IMPA2: variants seen among roughly 807,000 people sequenced by gnomAD.
IMPA2 encodes inositol monophosphatase 2.
Under a neutral mutation model 35.1 loss-of-function variants are expected in IMPA2, and 32 were observed. The observed-to-expected ratio is 0.91, with a 90% CI of 0.69 to 1.23. The LOEUF (loss-of-function observed/expected upper bound fraction) is 1.23, where lower values mean the gene tolerates loss of function less well. Ranked by LOEUF, IMPA2 falls within the 50% of genes most tolerant of loss-of-function variation. IMPA2 has a pLI of 0.00. For synonymous variants in IMPA2, 135 were observed against 160.6 expected (o/e 0.84, Z 1.20); for missense variants, 334 against 387.6 (o/e 0.86, Z 1.16).
intron 1 of IMPA2, among the ~76,000 whole-genome samples, chr18:11,995,213 T>C (rs1429323070): frequency 6.6e-6 from 1 of 152,200 alleles, no homozygotes; most frequent in Non-Finnish European, 1.5e-5. Context: ...GGGATCCAGC[T>C]TTGTCCTCCC....
chr18:11,992,788 C>T, intron 1 of IMPA2, among the ~76,000 whole-genome samples: 1 of 152,126 alleles, frequency 6.6e-6, no homozygotes. Context: ...TAAAGGGGTT[C>T]AGCGGGACCT....
chr18:12,025,042 T>G (rs182794672), intron 5 of IMPA2, among the ~76,000 whole-genome samples: 1 of 152,326 alleles, frequency 6.6e-6, no homozygotes, highest in African/African-American at 2.4e-5. Flanking sequence ...CGCCTATTCT[T>G]CCCTCCCCTG....
At chr18:12,019,803 C>T (rs1162052011) in intron 5 of IMPA2, among the ~76,000 whole-genome samples, 1 of 152,096 alleles carries the variant, frequency 6.6e-6, no homozygotes, top group Non-Finnish European at 1.5e-5. Context: ...AATATCACCA[C>T]TCCTCAGGAG....
At position 11,991,026 on chromosome 18, in the gene IMPA2, G is replaced by A. The variant is rs893501708; in HGVS notation, c.97-8028G>A. Among the ~76,000 whole-genome samples, 2 of 152,232 alleles carry A rather than the reference G, an allele frequency of 1.3e-5. No homozygotes were observed. Among genetic ancestry groups the A allele is most frequent in the Admixed American group, 1.3e-4 (2 of 15,290 alleles). ...AGCTCAGGCCGTGGAGCTGGGCAGG[G>A]TGTGAGGTGGAGGCCATCTCCAGGA... On this transcript the variant is annotated intron_variant, in intron 1 of 7. Transcript: ENST00000269159. This position sits in a 1 kb window ranked among gnomAD's most constrained non-coding sequence, Gnocchi z 4.1.
chr18:11,983,723 T>G (rs985178789), intron 1 of IMPA2, among the ~76,000 whole-genome samples: 2 of 152,006 alleles, frequency 1.3e-5, no homozygotes, highest in African/African-American at 4.8e-5. Flanking sequence ...CCTCAGGCAT[T>G]ATGCTGATGC....
chr18:12,017,284 G>A (rs911901618), intron 5 of IMPA2, among the ~76,000 whole-genome samples: 2 of 152,080 alleles, frequency 1.3e-5, no homozygotes, highest in South Asian at 2.1e-4. Flanking sequence ...ACCAGCTCCC[G>A]CCACCCCCAG....
chr18:11,984,774 T>C (rs1568024837), intron 1 of IMPA2, among the ~76,000 whole-genome samples: 1 of 151,712 alleles, frequency 6.6e-6, no homozygotes, highest in Non-Finnish European at 1.5e-5. Flanking sequence ...AAGACCATCC[T>C]GGCTAACACG....
Position 12,030,324 on chromosome 18 carries a change from T to G in IMPA2, c.752-19T>G. On this transcript the variant is annotated intron_variant, in intron 7 of 7. Coordinates refer to ENST00000269159, the MANE Select transcript of IMPA2 (RefSeq NM_014214.3). ...CTCTCTGGTAACCCGGATGCCTGGC[T>G]CTCTCTGTCTGTCCCCAGGTGGACC... is the stretch of plus-strand genomic sequence containing the variant. 8 of 1,602,062 alleles carry G rather than the reference T, an allele frequency of 5.0e-6. No homozygotes were observed. The highest frequency in any genetic ancestry group is 6.8e-6 in the Non-Finnish European group (8 of 1,169,144).
At chr18:12,006,197 C>T (rs564377804) in intron 2 of IMPA2, among the ~76,000 whole-genome samples, 24 of 152,328 alleles carry the variant, frequency 1.6e-4, no homozygotes, top group African/African-American at 5.5e-4. Flanking sequence ...GAATCATCAC[C>T]TGTGTGTCTC....
intron 4 of IMPA2, among the ~76,000 whole-genome samples, chr18:12,012,881 C>T (rs1288146803): frequency 6.6e-6 from 1 of 152,208 alleles, no homozygotes. Flanking sequence ...TTAGTCTCAG[C>T]ACAGACTCCC....
At chr18:12,029,289 T>C (rs1907979303) in intron 7 of IMPA2, among the ~76,000 whole-genome samples, 1 of 151,808 alleles carries the variant, frequency 6.6e-6, no homozygotes, top group South Asian at 2.1e-4. Flanking sequence ...TAATTTTTTG[T>C]ATTTTTATTA....
intron 2 of IMPA2, among the ~76,000 whole-genome samples, chr18:12,007,357 C>T (rs908067153): frequency 4.6e-5 from 7 of 152,170 alleles, no homozygotes; most frequent in African/African-American, 1.4e-4. Context: ...CAGCCATATG[C>T]GGTGACTGGC....
chr18:11,993,716 G>C (rs879739285), intron 1 of IMPA2, among the ~76,000 whole-genome samples: 2 of 152,250 alleles, frequency 1.3e-5, no homozygotes, highest in Non-Finnish European at 2.9e-5. Context: ...AGCTGTGCTG[G>C]AGTAGATGGA....
intron 5 of IMPA2, among the ~76,000 whole-genome samples, chr18:12,026,506 A>G (rs928767504): frequency 6.6e-5 from 10 of 152,172 alleles, no homozygotes; most frequent in African/African-American, 4.8e-5. Context: ...AAAGACTCCA[A>G]TCCTACCTTC....
intron 1 of IMPA2, among the ~76,000 whole-genome samples, chr18:11,996,439 C>T (rs573466529): frequency 3.9e-5 from 6 of 152,298 alleles, no homozygotes; most frequent in Non-Finnish European, 7.4e-5. Flanking sequence ...GAGTGGAATA[C>T]CAGCCACCCT....
At chr18:12,008,043 C>T (rs899228420) in intron 2 of IMPA2, among the ~76,000 whole-genome samples, 4 of 151,864 alleles carry the variant, frequency 2.6e-5, no homozygotes, top group African/African-American at 7.3e-5. Flanking sequence ...CTCACTGCAA[C>T]GTTAGGATCA....
At chr18:11,984,126 CTT>C (rs1384635820) in intron 1 of IMPA2, among the ~76,000 whole-genome samples, 2 of 152,190 alleles carry the variant, frequency 1.3e-5, no homozygotes, top group Non-Finnish European at 2.9e-5. Context: ...GTGCACTGTC[CTT>C]TCTCTCTTAG....
intron 2 of IMPA2, among the ~76,000 whole-genome samples, chr18:12,003,804 A>G (rs537524446): frequency 3.9e-5 from 6 of 152,204 alleles, no homozygotes; most frequent in Non-Finnish European, 8.8e-5. Context: ...ACCTGTTTTC[A>G]GATGATGATT....
intron 1 of IMPA2, among the ~76,000 whole-genome samples, chr18:11,997,765 T>C (rs538367689): frequency 6.6e-6 from 1 of 152,306 alleles, no homozygotes; most frequent in East Asian, 1.9e-4. Flanking sequence ...TTGAGAGAAA[T>C]ACAGGATTCT....
Sources: gnomAD v4.1 joint callset for allele counts (sites outside exome capture counted in the v4.1 genomes callset) on GRCh38, gnomAD v4.1.1 for gene constraint, Gnocchi (gnomAD v3.1) non-coding constraint, MANE v1.5 for transcripts, NCBI Gene and HGNC (gene_info 2026-07-23, HGNC 2026-07-21) for gene names.